FAM135B: variants seen among roughly 807,000 people sequenced by gnomAD.
FAM135B encodes the protein protein FAM135B.
FAM135B carries 43 observed loss-of-function variants against 127.7 expected under a neutral mutation model. That is an observed-to-expected ratio of 0.34 (90% confidence interval 0.26 to 0.43). The LOEUF is 0.43. Among genes scored for constraint, FAM135B ranks in the 20% least tolerant of loss-of-function variants. FAM135B has a pLI of 1.00. For missense variants in FAM135B, 1,558 were observed against 1,725.6 expected (o/e 0.90, Z 1.72); for synonymous variants, 670 against 665.1 (o/e 1.01, Z -0.11).
In FAM135B at chr8:138,358,544, T is replaced by A. The variant is rs539331239; in HGVS notation, c.77+9363A>T. The A allele has an allele frequency of 3.3e-5, 5 of 152,256 alleles. No homozygotes were observed. In the South Asian group the frequency reaches 1.0e-3, roughly 32 times the overall value. The allele number at this position is 152,256 out of a possible 1,614,324, so 9.4% of individuals were successfully genotyped here. On this transcript the variant is annotated intron_variant, in intron 2 of 19. Coordinates refer to ENST00000395297, the MANE Select transcript of FAM135B (RefSeq NM_015912.4). ...TAGGTGCTTTACAAATATCACCTCATGGACATTTAATAGATTCTGCAAAAC... is the reference window on the plus strand; with the variant it reads ...TAGGTGCTTTACAAATATCACCTCAAGGACATTTAATAGATTCTGCAAAAC...
intron 1 of FAM135B, among the ~76,000 whole-genome samples, chr8:138,403,824 A>T (rs1833294949): frequency 6.6e-6 from 1 of 152,204 alleles, no homozygotes; most frequent in Non-Finnish European, 1.5e-5. Flanking sequence ...GGTATGAGGC[A>T]GAGGTTCTCA....
At chr8:138,411,143 A>T (rs903068452) in intron 1 of FAM135B, among the ~76,000 whole-genome samples, 1 of 150,476 alleles carries the variant, frequency 6.6e-6, no homozygotes, top group Non-Finnish European at 1.5e-5. Flanking sequence ...AAACTACTTT[A>T]AAGTTCATAT....
chr8:138,137,768 T>C (rs1355680818), intron 18 of FAM135B, among the ~76,000 whole-genome samples: 2 of 152,142 alleles, frequency 1.3e-5, no homozygotes, highest in South Asian at 2.1e-4. Context: ...CTGCAGCCAG[T>C]CTTGCCTTCC....
chr8:138,399,922 T>C (rs375811292), intron 1 of FAM135B, among the ~76,000 whole-genome samples: 2 of 152,326 alleles, frequency 1.3e-5, no homozygotes, highest in African/African-American at 4.8e-5. Context: ...TCCCTGAGCT[T>C]ACCTGGCCTT....
At chr8:138,449,234 G>C (rs535824980) in intron 1 of FAM135B, among the ~76,000 whole-genome samples, 1 of 152,252 alleles carries the variant, frequency 6.6e-6, no homozygotes, top group Admixed American at 6.5e-5. Context: ...ACTGTATTAA[G>C]TAGAATAAAA....
rs1467381005 is a variant in FAM135B, at chr8:138,151,312, C to T, written c.3163G>A (p.Ala1055Thr). ...AGGGTCTGTTTGGAAGAGAATCCAG[C>T]CCTGGCAGGGGTCTCCTTGGGCACA... ...SSVPKETPAR[A>T]GFSSKQTLFP... Residue 1055 changes from alanine to threonine, a missense_variant, in exon 13 of 20, where the codon GCT (alanine) becomes ACT (threonine). Transcript: ENST00000395297. 1 of 1,613,840 alleles carries T rather than the reference C, an allele frequency of 6.2e-7. No homozygotes were observed. The highest frequency in any genetic ancestry group is 8.5e-7 in the Non-Finnish European group (1 of 1,179,998).
chr8:138,167,574 T>C (rs1394587675), intron 12 of FAM135B, among the ~76,000 whole-genome samples: 1 of 152,188 alleles, frequency 6.6e-6, no homozygotes, highest in African/African-American at 2.4e-5. Context: ...AGAATCTTCA[T>C]CTGACTTTCA....
rs72185111 is a variant in FAM135B at position 138,226,150 on chromosome 8, C to CGTGTGTGT, written c.669+16784_669+16791dup. ...AAAATACAATTTTCTGGGGACCCACCGTGTGTGTGTGTGTGTGTGTGTGTG... is the reference window on the plus strand; with the variant it reads ...AAAATACAATTTTCTGGGGACCCACCGTGTGTGTGTGTGTGTGTGTGTGTGTGTGTGTG... On this transcript the variant is annotated intron_variant, in intron 7 of 19. Coordinates refer to ENST00000395297, the MANE Select transcript of FAM135B (RefSeq NM_015912.4). Among the ~76,000 whole-genome samples the CGTGTGTGT allele has an allele frequency of 2.6e-3, 342 of 133,548 alleles. 2 individuals are homozygous for CGTGTGTGT. The highest frequency in any genetic ancestry group is 3.8e-3 in the South Asian group (15 of 3,942). The allele number at this position is 133,548 out of a possible 152,430, so 87.6% of individuals were successfully genotyped here.
chr8:138,414,988 G>C (rs1382279369), intron 1 of FAM135B, among the ~76,000 whole-genome samples: 1 of 152,160 alleles, frequency 6.6e-6, no homozygotes, highest in Non-Finnish European at 1.5e-5. Flanking sequence ...TCCAGAAGTA[G>C]CAACTCGGGA....
chr8:138,207,242 T>A (rs1406688982), intron 7 of FAM135B, among the ~76,000 whole-genome samples: 1 of 148,364 alleles, frequency 6.7e-6, no homozygotes, highest in Non-Finnish European at 1.5e-5. Flanking sequence ...TTTTTGAGAC[T>A]TGTCTCGCTT....
At chr8:138,272,782 T>G (rs935884345) in intron 3 of FAM135B, among the ~76,000 whole-genome samples, 5 of 152,226 alleles carry the variant, frequency 3.3e-5, no homozygotes, top group Admixed American at 3.3e-4. Context: ...TGCTGAGTGG[T>G]CTCAGGTATT....
At chr8:138,471,617 G>C (rs138388651) in intron 1 of FAM135B, among the ~76,000 whole-genome samples, 32 of 152,202 alleles carry the variant, frequency 2.1e-4, no homozygotes, top group African/African-American at 6.0e-4. Context: ...TTGAGTTTAA[G>C]GTGCTTTGAA....
intron 7 of FAM135B, among the ~76,000 whole-genome samples, chr8:138,215,354 A>G (rs1331106581): frequency 1.3e-5 from 2 of 152,234 alleles, no homozygotes; most frequent in Non-Finnish European, 2.9e-5. Flanking sequence ...ACTCAAAATA[A>G]TATTTTAACT....
intron 3 of FAM135B, among the ~76,000 whole-genome samples, chr8:138,274,283 A>C (rs935603704): frequency 7.2e-5 from 11 of 152,232 alleles, no homozygotes; most frequent in Middle Eastern, 3.2e-3. Flanking sequence ...AAAGCTGGGC[A>C]TCTGGGGGAG....
intron 11 of FAM135B, among the ~76,000 whole-genome samples, chr8:138,168,586 T>C (rs1820154331): frequency 6.6e-6 from 1 of 152,156 alleles, no homozygotes; most frequent in South Asian, 2.1e-4. Flanking sequence ...TATTTTTTGG[T>C]TTCCCCTGTA....
intron 4 of FAM135B, among the ~76,000 whole-genome samples, chr8:138,262,411 T>C (rs1397809669): frequency 6.6e-6 from 1 of 152,060 alleles, no homozygotes; most frequent in Non-Finnish European, 1.5e-5. Context: ...TTATTGGGAT[T>C]TGGGGAAGTG....
intron 5 of FAM135B, among the ~76,000 whole-genome samples, chr8:138,254,487 G>A (rs988397649): frequency 6.6e-6 from 1 of 152,172 alleles, no homozygotes; most frequent in Non-Finnish European, 1.5e-5. Context: ...GGGCGGGGTG[G>A]GTTAATGGAG....
At chr8:138,395,990 G>A (rs1014381298) in intron 1 of FAM135B, among the ~76,000 whole-genome samples, 6 of 152,210 alleles carry the variant, frequency 3.9e-5, no homozygotes, top group African/African-American at 1.4e-4. Flanking sequence ...CTGGGCATCA[G>A]GGTTGTAACC....
At position 138,148,685 on chromosome 8, in the gene FAM135B, A is replaced by C. The variant is rs1373151535; in HGVS notation, c.3283T>G (p.Phe1095Val). The change falls in exon 14 of 20, where the codon TTT becomes GTT. Residue 1095 changes from phenylalanine (F) to valine (V), a missense_variant and splice_region_variant. Physicochemically the swap from Phe to Val is conservative, Grantham distance 50. This residue lies in a region of FAM135B where 923 missense variants were observed against 865.3 expected (regional missense o/e 1.07). Transcript: ENST00000395297. ...DEEVSERMFSFYQAKEKFKKE... is the reference protein window; with the variant it reads ...DEEVSERMFSVYQAKEKFKKE... Reference sequence around the variant, plus strand: ...TTAAATTTTTCTTTGGCCTGATAAAAACTGGAGAATACACTAATTAATCAC... The same window carrying C: ...TTAAATTTTTCTTTGGCCTGATAAACACTGGAGAATACACTAATTAATCAC... 6.2e-7 allele frequency: 1 copy of C among 1,602,032 alleles called. No individual in the cohort carries two copies. Among genetic ancestry groups the C allele is most frequent in the South Asian group, 1.1e-5 (1 of 89,354 alleles).
Sources: allele counts gnomAD v4.1 joint callset (sites outside exome capture counted in the v4.1 genomes callset), GRCh38; gene constraint gnomAD v4.1.1; regional missense constraint gnomAD v4.1.1; transcripts MANE v1.5; gene names NCBI Gene and HGNC (gene_info 2026-07-23, HGNC 2026-07-21).